Variants in EPS15 observed in about 807,000 individuals in gnomAD.
EPS15 encodes the protein epidermal growth factor receptor pathway substrate 15.
A neutral mutation model predicts 113.8 loss-of-function variants in EPS15; 72 were observed. The observed-to-expected ratio is 0.63, with a 90% CI of 0.52 to 0.77. EPS15 has a LOEUF of 0.77. Ranked by LOEUF, EPS15 falls within the 30% of genes least tolerant of loss-of-function variation. The pLI is 0.00. For missense variants in EPS15, 1,048 were observed against 1,045.8 expected, an observed-to-expected ratio of 1.00 and a Z score of -0.03; for synonymous variants, 344 against 363.4, an observed-to-expected ratio of 0.95 and a Z score of 0.61.
At chr1:51,421,364 G>A (rs1299867913) in intron 13 of EPS15, among the ~76,000 whole-genome samples, 3 of 151,874 alleles carry the variant, frequency 2.0e-5, no homozygotes, top group Non-Finnish European at 4.4e-5. Context: ...AACATACTAG[G>A]TCTCCTAGCT....
chr1:51,381,080 G>GT (rs1029787093), intron 21 of EPS15, among the ~76,000 whole-genome samples: 4 of 150,100 alleles, frequency 2.7e-5, no homozygotes, highest in Admixed American at 2.6e-4. Flanking sequence ...CAGCTCTACA[G>GT]TAACAGTTGG....
intron 21 of EPS15, among the ~76,000 whole-genome samples, chr1:51,390,573 A>G (rs1244655354): frequency 6.6e-6 from 1 of 152,036 alleles, no homozygotes; most frequent in Non-Finnish European, 1.5e-5. Flanking sequence ...TCATCTGACA[A>G]AGGGCTAATA....
At chr1:51,474,591 T>C (rs1655471494) in intron 2 of EPS15, among the ~76,000 whole-genome samples, 1 of 152,206 alleles carries the variant, frequency 6.6e-6, no homozygotes, top group Non-Finnish European at 1.5e-5. Context: ...TAATGTTCTA[T>C]TTTCTAATAG....
intron 1 of EPS15, among the ~76,000 whole-genome samples, chr1:51,489,668 T>G (rs1283810898): frequency 6.6e-6 from 1 of 152,136 alleles, no homozygotes; most frequent in Non-Finnish European, 1.5e-5. Context: ...AGTATTAATA[T>G]CCCTGCCTGT....
chr1:51,515,267 AAAAG>A (rs1388154519), intron 1 of EPS15, among the ~76,000 whole-genome samples: 1 of 152,062 alleles, frequency 6.6e-6, no homozygotes, highest in Non-Finnish European at 1.5e-5. Context: ...TTAAAAAAAA[AAAAG>A]AATCTGACAA....
intron 23 of EPS15, among the ~76,000 whole-genome samples, chr1:51,363,293 A>G (rs532943295): frequency 2.8e-4 from 38 of 137,858 alleles, no homozygotes; most frequent in Non-Finnish European, 4.5e-4. Context: ...GCGAGATTCC[A>G]TCTCAAAAAA....
chr1:51,368,807 T>G (rs1386588014), intron 21 of EPS15, among the ~76,000 whole-genome samples: 1 of 152,120 alleles, frequency 6.6e-6, no homozygotes, highest in Admixed American at 6.6e-5. Flanking sequence ...TTCACTATGT[T>G]GGCCAGGCTG....
intron 12 of EPS15, among the ~76,000 whole-genome samples, chr1:51,427,933 A>C (rs1651366385): frequency 6.6e-6 from 1 of 152,216 alleles, no homozygotes; most frequent in Non-Finnish European, 1.5e-5. Flanking sequence ...TCACACTGAG[A>C]CACATTATAA....
chr1:51,359,272 C>T (rs1198702626), intron 24 of EPS15, among the ~76,000 whole-genome samples: 18 of 151,612 alleles, frequency 1.2e-4, no homozygotes, highest in Non-Finnish European at 1.9e-4. Context: ...GGTGAAACCC[C>T]GTCTCTACTA....
chr1:51,370,010 T>A (rs1646608120), intron 21 of EPS15, among the ~76,000 whole-genome samples: 1 of 152,204 alleles, frequency 6.6e-6, no homozygotes, highest in African/African-American at 2.4e-5. Flanking sequence ...GAAACCAATT[T>A]TAAGGCTCAC....
chr1:51,409,126 T>C lies in EPS15; in HGVS notation c.1275+409A>G, dbSNP rs1475293246. Among the ~76,000 whole-genome samples, 4 of 151,970 alleles carry C rather than the reference T, an allele frequency of 2.6e-5. No individual in the cohort carries two copies. The East Asian group carries it at 7.8e-4, about 30-fold the overall frequency. On this transcript the variant is annotated intron_variant, in intron 14 of 24. Coordinates refer to ENST00000371733, the MANE Select transcript of EPS15 (RefSeq NM_001981.3). The stretch of plus-strand genomic sequence containing the variant: ...TGTAGAGATGGGATTTCTCCATGTT[T>C]CCCAGGCTGGTCTCCAACTCCTGGG...
intron 1 of EPS15, among the ~76,000 whole-genome samples, chr1:51,506,375 G>T (rs1426371653): frequency 2.6e-5 from 4 of 152,002 alleles, no homozygotes; most frequent in East Asian, 3.9e-4. Context: ...TTTCCTAACT[G>T]GCCTCATAAT....
At chr1:51,514,558 T>A (rs72674575) in intron 1 of EPS15, among the ~76,000 whole-genome samples, 3 of 152,144 alleles carry the variant, frequency 2.0e-5, no homozygotes, top group African/African-American at 4.8e-5. Flanking sequence ...AAGTAAAATA[T>A]CTTAGATTAG....
At chr1:51,442,829 T>G (rs947230913) in intron 11 of EPS15, among the ~76,000 whole-genome samples, 16 of 151,572 alleles carry the variant, frequency 1.1e-4, no homozygotes, top group African/African-American at 3.9e-4. Flanking sequence ...TGAGAGAGAG[T>G]AGAGTTAAGA....
intron 12 of EPS15, among the ~76,000 whole-genome samples, chr1:51,436,476 G>A (rs564890482): frequency 1.2e-3 from 179 of 152,274 alleles, no homozygotes; most frequent in African/African-American, 4.2e-3. Context: ...CTAAACACTA[G>A]GGATACAAGC....
At chr1:51,491,230 T>C (rs529586665) in intron 1 of EPS15, among the ~76,000 whole-genome samples, 1 of 152,330 alleles carries the variant, frequency 6.6e-6, no homozygotes, top group African/African-American at 2.4e-5. Context: ...ATTTCTGACA[T>C]ATTAACACAT....
chr1:51,488,401 C>T (rs1162190425), intron 1 of EPS15, among the ~76,000 whole-genome samples: 2 of 144,150 alleles, frequency 1.4e-5, no homozygotes, highest in Non-Finnish European at 3.0e-5. Context: ...GAGTCCATTG[C>T]TATTTCTTAC....
chr1:51,416,656 C>T (rs1211002530), intron 13 of EPS15, among the ~76,000 whole-genome samples: 1 of 151,982 alleles, frequency 6.6e-6, no homozygotes, highest in African/African-American at 2.4e-5. Flanking sequence ...TAAACAAATA[C>T]CTAAGAATTT....
At chr1:51,382,279 T>C (rs1646957839) in intron 21 of EPS15, 1 of 152,150 alleles carries the variant, frequency 6.6e-6, no homozygotes, top group African/African-American at 2.4e-5. Flanking sequence ...AATAAAGAGA[T>C]TGAATCTGTA....
Sources: gnomAD v4.1 joint callset for allele counts (sites outside exome capture counted in the v4.1 genomes callset) on GRCh38, gnomAD v4.1.1 for gene constraint, MANE v1.5 for transcripts, NCBI Gene and HGNC (gene_info 2026-07-23, HGNC 2026-07-21) for gene names.